Variants in GLS observed in about 807,000 individuals in gnomAD.
GLS encodes glutaminase kidney isoform, mitochondrial.
A neutral mutation model predicts 86.7 loss-of-function variants in GLS; 36 were observed. That is an observed-to-expected ratio of 0.42 (90% CI 0.32 to 0.55). GLS has a LOEUF of 0.55. GLS is among the 20% of genes least tolerant of loss of function. The pLI, the probability that GLS is intolerant of heterozygous loss-of-function variation, is 0.17. For synonymous variants in GLS, 317 were observed against 305.9 expected, an observed-to-expected ratio of 1.04 and a Z score of -0.38; for missense variants, 528 against 833.4, an observed-to-expected ratio of 0.63 and a Z score of 4.51.
At chr2:190,944,565 C>T (rs1690534400) in intron 14 of GLS, among the ~76,000 whole-genome samples, 1 of 152,068 alleles carries the variant, frequency 6.6e-6, no homozygotes, top group Non-Finnish European at 1.5e-5. Flanking sequence ...TGCTTTCTGG[C>T]TTATTGATTA....
At chr2:190,896,610 T>C (rs1219878987) in intron 3 of GLS, 7 of 152,202 alleles carry the variant, frequency 4.6e-5, no homozygotes, top group Non-Finnish European at 8.8e-5. Context: ...TCCTGGAGTA[T>C]GAAGTCATCT....
intron 14 of GLS, among the ~76,000 whole-genome samples, chr2:190,952,317 T>C (rs970404454): frequency 2.0e-5 from 3 of 152,102 alleles, no homozygotes; most frequent in African/African-American, 7.2e-5. Context: ...TAGTAGTATT[T>C]TGGGGGTGTG....
Position 190,962,804 on chromosome 2 carries a change from C to T in GLS, c.1854-26C>T, listed in dbSNP as rs1004612011. The T allele has an allele frequency of 7.3e-7, 1 of 1,377,304 alleles. No homozygotes were observed. The highest frequency in any genetic ancestry group is 9.5e-7 in the Non-Finnish European group (1 of 1,050,928). The allele number at this position is 1,377,304 out of a possible 1,614,324, so 85.3% of individuals were successfully genotyped here. ...TTTGTACATAAATTACCTAATGACCCTGTCCATGCTGTGCTACGTGTTTAG... is the reference window on the plus strand; with the variant it reads ...TTTGTACATAAATTACCTAATGACCTTGTCCATGCTGTGCTACGTGTTTAG... On this transcript the variant is annotated intron_variant, in intron 17 of 17. Transcript: ENST00000320717. This position sits in a 1 kb window ranked among gnomAD's most constrained non-coding sequence, Gnocchi z 4.2.
At chr2:190,925,364 G>A (rs921169153) in intron 11 of GLS, among the ~76,000 whole-genome samples, 8 of 151,982 alleles carry the variant, frequency 5.3e-5, no homozygotes, top group African/African-American at 1.7e-4. Context: ...GTCATATGTC[G>A]GGCTTTCTTG....
intron 1 of GLS, among the ~76,000 whole-genome samples, chr2:190,891,528 T>TG (rs1688560830): frequency 6.6e-6 from 1 of 151,862 alleles, no homozygotes. Context: ...TCAATTACAT[T>TG]GGGGAATTAT....
At position 190,881,419 on chromosome 2, in the gene GLS, C is replaced by T; in HGVS notation, c.335C>T (p.Thr112Met). 6.5e-7 allele frequency: 1 copy of T among 1,545,120 alleles called. No individual in the cohort carries two copies. Among genetic ancestry groups the T allele is most frequent in the East Asian group, 2.5e-5 (1 of 40,402 alleles). Reference sequence around the variant, plus strand: ...GGCCCCAAGGACGGCCCCGGGGAGACGGACGCGTTTGGCAACAGCGAGGGC... The same window carrying T: ...GGCCCCAAGGACGGCCCCGGGGAGATGGACGCGTTTGGCAACAGCGAGGGC... ...APGPKDGPGE[T>M]DAFGNSEGKE... is the part of the protein sequence containing the mutation. The change falls in exon 1 of 18, where the codon ACG becomes ATG. Residue 112 changes from threonine to methionine, a missense_variant. By Grantham distance (81) the Thr-to-Met change is moderately conservative. Coordinates refer to ENST00000320717, the MANE Select transcript of GLS (RefSeq NM_014905.5).
intron 5 of GLS, among the ~76,000 whole-genome samples, chr2:190,902,846 GT>G (rs1227313644): frequency 6.6e-6 from 1 of 151,580 alleles, no homozygotes; most frequent in Non-Finnish European, 1.5e-5. Flanking sequence ...TTTGTTTTTT[GT>G]TTTTTTATTA....
Position 190,903,113 on chromosome 2 carries a change from T to TG in GLS, c.815+1088dup, listed in dbSNP as rs1301004615. Among the ~76,000 whole-genome samples, 5 of 152,354 alleles carry TG rather than the reference T, an allele frequency of 3.3e-5. No individual in the cohort carries two copies. In the South Asian group the frequency reaches 1.0e-3, roughly 32 times the overall value. On this transcript the variant is annotated intron_variant, in intron 5 of 17. Transcript: ENST00000320717. ...AACTCTTGGCCTCAAGTGATCTTCCTGCCTTGGCATCCCAAAGTGCTGGGA... is the reference window on the plus strand; with the variant it reads ...AACTCTTGGCCTCAAGTGATCTTCCTGGCCTTGGCATCCCAAAGTGCTGGGA...
At chr2:190,898,639 C>CA (rs1553575926) in intron 3 of GLS, among the ~76,000 whole-genome samples, 1 of 151,084 alleles carries the variant, frequency 6.6e-6, no homozygotes, top group Non-Finnish European at 1.5e-5. Flanking sequence ...ATTATAAATC[C>CA]TTTTTTTTTG....
Position 190,904,882 on chromosome 2 carries a change from TGTG to T in GLS, c.816-119_816-117del, listed in dbSNP as rs1574577440. The T allele has an allele frequency of 1.4e-5, 9 of 660,528 alleles. No individual in the cohort carries two copies. In the East Asian group the frequency reaches 1.6e-4, roughly 12 times the overall value. 40.9% of individuals were successfully genotyped at this position (660,528 alleles called of 1,614,324 possible). ...TTATTCTGTAATTTTGACATAAACT[TGTG>T]GTTGAATTATGGGAAAATTTTTGTT... On this transcript the variant is annotated intron_variant, in intron 5 of 17. Coordinates refer to ENST00000320717, the MANE Select transcript of GLS (RefSeq NM_014905.5).
Position 190,921,765 on chromosome 2 carries a change from C to G in GLS, c.1130+562C>G, listed in dbSNP as rs529955324. Reference sequence around the variant, plus strand: ...CATACAGTCTAAGAATAAGGACATTCTCCTACATAACCACAATACCATTAA... The same window carrying G: ...CATACAGTCTAAGAATAAGGACATTGTCCTACATAACCACAATACCATTAA... On this transcript the variant is annotated intron_variant, in intron 9 of 17. Coordinates refer to ENST00000320717, the MANE Select transcript of GLS (RefSeq NM_014905.5). This position sits in a 1 kb window ranked among gnomAD's most constrained non-coding sequence, Gnocchi z 4.2. 6.6e-6 allele frequency among the ~76,000 whole-genome samples: 1 copy of G among 151,954 alleles called. No homozygotes were observed. Among genetic ancestry groups the G allele is most frequent in the Non-Finnish European group, 1.5e-5 (1 of 67,888 alleles).
chr2:190,919,729 C>T, intron 7 of GLS: 1 of 615,208 alleles, frequency 1.6e-6, no homozygotes, highest in Non-Finnish European at 2.0e-6. Context: ...AGTTACATTT[C>T]TACATTTTGA....
chr2:190,881,220 G>T lies in GLS; in HGVS notation c.136G>T (p.Ala46Ser). The T allele has an allele frequency of 8.0e-7, 1 of 1,245,704 alleles. No homozygotes were observed. 77.2% of individuals were successfully genotyped at this position (1,245,704 alleles called of 1,614,324 possible). A position where few individuals can be genotyped will look rare whatever the true frequency, so the allele number is the denominator to read the frequency against. The change falls in exon 1 of 18, where the codon GCG becomes TCG. Residue 46 changes from alanine to serine, a missense_variant. By Grantham distance (99) the Ala-to-Ser change is moderately conservative. Transcript: ENST00000320717. The stretch of plus-strand genomic sequence containing the variant: ...TCCCCGAGGCGGGGGACGGCCGGCC[G>T]CGGGCCCGGCTGCCGCCGCGCGACT... ...RRPRGGGRPAAGPAAAARLHP... is the reference protein window; with the variant it reads ...RRPRGGGRPASGPAAAARLHP...
In GLS at chr2:190,930,400, T is replaced by G; in HGVS notation, c.1426-37T>G. On this transcript the variant is annotated intron_variant, in intron 12 of 17. Coordinates refer to ENST00000320717, the MANE Select transcript of GLS (RefSeq NM_014905.5). This position sits in a 1 kb window ranked among gnomAD's most constrained non-coding sequence, Gnocchi z 5.0. ...GAACATAACATTTCTTATTTTAAAA[T>G]GTTTACCTGAATACTCTTTTACTGA... The G allele has an allele frequency of 1.3e-6, 2 of 1,498,530 alleles. No individual in the cohort carries two copies. The highest frequency in any genetic ancestry group is 1.9e-6 in the Non-Finnish European group (2 of 1,076,414). The allele number at this position is 1,498,530 out of a possible 1,614,324, so 92.8% of individuals were successfully genotyped here.
At chr2:190,934,498 G>C in intron 14 of GLS, 1 of 982,910 alleles carries the variant, frequency 1.0e-6, no homozygotes, top group Non-Finnish European at 1.2e-6. Context: ...CTAACTGGAT[G>C]CTTCTCAAGG....
chr2:190,927,738 CAGT>C, intron 12 of GLS: 1 of 276,532 alleles, frequency 3.6e-6, no homozygotes, highest in Non-Finnish European at 6.8e-6. Context: ...AAGGTTAGTA[CAGT>C]CTTTCTTTAC....
In GLS at chr2:190,924,666, C is replaced by T. The variant is rs1689844064; in HGVS notation, c.1248+73C>T. ...GCACGGTGGCTCACGCCTGTAATCC[C>T]AGCACTTTGGGAGGCCAGGGCAGGT... On this transcript the variant is annotated intron_variant, in intron 11 of 17. Transcript: ENST00000320717. This position sits in a 1 kb window ranked among gnomAD's most constrained non-coding sequence, Gnocchi z 5.2. 9.5e-6 allele frequency: 8 copies of T among 841,392 alleles called. No individual in the cohort carries two copies. Among genetic ancestry groups the T allele is most frequent in the Admixed American group, 1.8e-5 (1 of 54,380 alleles). The allele number at this position is 841,392 out of a possible 1,614,324, so 52.1% of individuals were successfully genotyped here.
chr2:190,918,391 G>A (rs1689615061), intron 7 of GLS, among the ~76,000 whole-genome samples: 1 of 152,136 alleles, frequency 6.6e-6, no homozygotes, highest in South Asian at 2.1e-4. Flanking sequence ...ACCTCTGCTA[G>A]CTGCAAACCC....
intron 1 of GLS, among the ~76,000 whole-genome samples, chr2:190,883,712 TTA>T (rs1355075135): frequency 6.6e-6 from 1 of 152,230 alleles, no homozygotes; most frequent in African/African-American, 2.4e-5. Context: ...TACATCTGTC[TTA>T]TATGAAACTA....
Sources: allele counts gnomAD v4.1 joint callset (sites outside exome capture counted in the v4.1 genomes callset), GRCh38; gene constraint gnomAD v4.1.1; non-coding constraint Gnocchi (gnomAD v3.1); transcripts MANE v1.5; gene names NCBI Gene and HGNC (gene_info 2026-07-23, HGNC 2026-07-21).